The following FBXO46 variants were observed in gnomAD, a reference collection of about 807,000 sequenced individuals.
FBXO46 encodes the protein F-box only protein 46.
In FBXO46, 13 loss-of-function variants were observed where a neutral mutation model predicts 30.7. The observed-to-expected ratio is 0.42, with a 90% confidence interval of 0.28 to 0.67. The LOEUF is 0.67. FBXO46 is among the 30% of genes least tolerant of loss of function. The pLI is 0.21. For synonymous variants in FBXO46, 467 were observed against 385.8 expected (o/e 1.21, Z -2.47); for missense variants, 754 against 871.5 (o/e 0.87, Z 1.70).
intron 1 of FBXO46, among the ~76,000 whole-genome samples, chr19:45,720,233 G>A (rs967746345): frequency 2.0e-5 from 3 of 152,090 alleles, no homozygotes; most frequent in African/African-American, 4.8e-5. Flanking sequence ...CCCGGTTCAA[G>A]CGATTTGCTT....
At chr19:45,726,938 T>C (rs1480172988) in intron 1 of FBXO46, among the ~76,000 whole-genome samples, 1 of 152,174 alleles carries the variant, frequency 6.6e-6, no homozygotes, top group Admixed American at 6.5e-5. Flanking sequence ...GCTCAGAGTT[T>C]AAATGTGGTC....
rs965579973 is a variant in FBXO46, at chr19:45,722,364, T to G, written c.-79+8485A>C. 3.9e-5 allele frequency among the ~76,000 whole-genome samples: 6 copies of G among 152,184 alleles called. No homozygotes were observed. The East Asian group carries it at 1.2e-3, about 29-fold the overall frequency. ...TGGCAGTATGACCTCAGGCAGGTTT[T>G]TCAGCCCCATGTGCCTCAGTTTCCC... On this transcript the variant is annotated intron_variant, in intron 1 of 1. Transcript: ENST00000317683.
At chr19:45,730,134 T>C (rs1437247228) in intron 1 of FBXO46, among the ~76,000 whole-genome samples, 2 of 152,096 alleles carry the variant, frequency 1.3e-5, no homozygotes, top group African/African-American at 4.8e-5. Flanking sequence ...ATAGGGGATA[T>C]GAATGCTGTA....
chr19:45,712,404 G>A lies in FBXO46; in HGVS notation c.1092C>T (p.Phe364=). ...PPARDCGASG[F]HVDVVVTGVV... is the part of the protein sequence containing the mutation. ...CGCCCGTCACCACCACGTCCACGTG[G>A]AAGCCTGACGCTCCGCAGTCCCGGG... Residue 364 remains phenylalanine, a synonymous_variant, in exon 2 of 2, where the codon TTC becomes TTT. Coordinates refer to ENST00000317683, the MANE Select transcript of FBXO46 (RefSeq NM_001080469.2). This position sits in a 1 kb window ranked among gnomAD's most constrained non-coding sequence, Gnocchi z 8.8. 2.5e-6 allele frequency: 4 copies of A among 1,608,064 alleles called. No individual in the cohort carries two copies. In the South Asian group the frequency reaches 3.3e-5, roughly 13 times the overall value.
chr19:45,712,356 A>C lies in FBXO46; in HGVS notation c.1140T>G (p.Phe380Leu). The C allele has an allele frequency of 6.2e-7, 1 of 1,602,376 alleles. No individual in the cohort carries two copies. Among genetic ancestry groups the C allele is most frequent in the Non-Finnish European group, 8.5e-7 (1 of 1,179,632 alleles). Residue 380 changes from phenylalanine to leucine, a missense_variant, in exon 2 of 2, where the codon TTT becomes TTG. Phe to Leu is a conservative substitution (Grantham distance 22). Coordinates refer to ENST00000317683, the MANE Select transcript of FBXO46 (RefSeq NM_001080469.2). This position sits in a 1 kb window ranked among gnomAD's most constrained non-coding sequence, Gnocchi z 8.8. ...VTGVVDECIF[F>L]GKDGTKNVKE... ...TCACGTTCTTGGTGCCGTCCTTGCCAAAGAAGATGCACTCATCTACCACGC... is the reference window on the plus strand; with the variant it reads ...TCACGTTCTTGGTGCCGTCCTTGCCCAAGAAGATGCACTCATCTACCACGC...
chr19:45,712,383 C>A lies in FBXO46; in HGVS notation c.1113G>T (p.Thr371=), dbSNP rs752382090. 5.6e-6 allele frequency: 9 copies of A among 1,605,206 alleles called. No individual in the cohort carries two copies. The highest frequency in any genetic ancestry group is 7.6e-6 in the Non-Finnish European group (9 of 1,179,692). ...ASGFHVDVVV[T]GVVDECIFFG... ...AGAAGATGCACTCATCTACCACGCCCGTCACCACCACGTCCACGTGGAAGC... is the reference window on the plus strand; with the variant it reads ...AGAAGATGCACTCATCTACCACGCCAGTCACCACCACGTCCACGTGGAAGC... The change falls in exon 2 of 2, where the codon ACG becomes ACT. Residue 371 remains threonine (T), a synonymous_variant. Coordinates refer to ENST00000317683, the MANE Select transcript of FBXO46 (RefSeq NM_001080469.2). This position sits in a 1 kb window ranked among gnomAD's most constrained non-coding sequence, Gnocchi z 8.8.
chr19:45,715,757 G>A (rs1350893421), intron 1 of FBXO46: 1 of 127,446 alleles, frequency 7.8e-6, no homozygotes, highest in Non-Finnish European at 1.6e-5. Flanking sequence ...AGTGAACTGA[G>A]ATCTTGCCAC....
In FBXO46 at chr19:45,713,051, C is replaced by T; in HGVS notation, c.445G>A (p.Gly149Ser). 3.8e-6 allele frequency: 6 copies of T among 1,569,522 alleles called. No homozygotes were observed. The highest frequency in any genetic ancestry group is 2.3e-5 in the East Asian group (1 of 44,330). Residue 149 changes from glycine to serine, a missense_variant, in exon 2 of 2, where the codon GGC becomes AGC. Transcript: ENST00000317683. The surrounding 1 kb of genome is among the most constrained non-coding windows in gnomAD (Gnocchi z 4.7). ...DPTKAPPDPG[G>S]REGPPAAEEG... ...TCAGCAGCAGGGGGGCCCTCCCGGC[C>T]CCCTGGGTCAGGAGGAGCCTTGGTG...
chr19:45,720,158 C>T (rs921975257), intron 1 of FBXO46, among the ~76,000 whole-genome samples: 2 of 151,896 alleles, frequency 1.3e-5, no homozygotes, highest in Non-Finnish European at 2.9e-5. Context: ...GAGTCTTGCT[C>T]TGTTGCCCAG....
chr19:45,728,925 C>T (rs1217821696), intron 1 of FBXO46, among the ~76,000 whole-genome samples: 1 of 151,818 alleles, frequency 6.6e-6, no homozygotes, highest in Non-Finnish European at 1.5e-5. Context: ...CACCTGAGGT[C>T]GGGAGTTCAA....
intron 1 of FBXO46, among the ~76,000 whole-genome samples, chr19:45,722,058 A>T (rs1286954205): frequency 6.6e-6 from 1 of 152,050 alleles, no homozygotes; most frequent in Admixed American, 6.6e-5. Flanking sequence ...TCCTGATCTC[A>T]GATGATCCAC....
intron 1 of FBXO46, among the ~76,000 whole-genome samples, chr19:45,730,170 C>T (rs1340082648): frequency 6.6e-6 from 1 of 152,050 alleles, no homozygotes; most frequent in Non-Finnish European, 1.5e-5. Flanking sequence ...AACCATTACA[C>T]TCTTCTAAAT....
At chr19:45,720,713 C>T in intron 1 of FBXO46, among the ~76,000 whole-genome samples, 1 of 152,188 alleles carries the variant, frequency 6.6e-6, no homozygotes. Flanking sequence ...CCACCTTGGC[C>T]TCCCCAAGTG....
At position 45,713,434 on chromosome 19, in the gene FBXO46, G is replaced by A. The variant is rs1968034311; in HGVS notation, c.62C>T (p.Ser21Leu). ...AGAAGGCGGGCGTGGCTGGTTCTGT[G>A]AGTAGGTGCCAAAGGGCCGGGGGCA... is the stretch of plus-strand genomic sequence containing the variant. ...LWCPRPFGTY[S>L]QNQPRPPSAA... Residue 21 changes from serine to leucine, a missense_variant, in exon 2 of 2, where the codon TCA (serine) becomes TTA (leucine). Coordinates refer to ENST00000317683, the MANE Select transcript of FBXO46 (RefSeq NM_001080469.2). This position sits in a 1 kb window ranked among gnomAD's most constrained non-coding sequence, Gnocchi z 4.7. 1 of 1,602,632 alleles carries A rather than the reference G, an allele frequency of 6.2e-7. No individual in the cohort carries two copies. The highest frequency in any genetic ancestry group is 8.5e-7 in the Non-Finnish European group (1 of 1,171,780).
intron 1 of FBXO46, among the ~76,000 whole-genome samples, chr19:45,728,239 T>C (rs1968264482): frequency 6.6e-6 from 1 of 152,212 alleles, no homozygotes; most frequent in Admixed American, 6.5e-5. Flanking sequence ...AGATTGAGTT[T>C]GTAAGCACAC....
Position 45,712,965 on chromosome 19 carries a change from G to T in FBXO46, c.531C>A (p.Ala177=). 6.3e-7 allele frequency: 1 copy of T among 1,583,726 alleles called. No individual in the cohort carries two copies. The highest frequency in any genetic ancestry group is 1.1e-5 in the South Asian group (1 of 88,284). ...VDLLSVAEMV[A]LVEQRAALAL... ...CCAGGGCTGCCCGCTGTTCCACCAGGGCCACCATCTCGGCCACAGAGAGCA... is the reference window on the plus strand; with the variant it reads ...CCAGGGCTGCCCGCTGTTCCACCAGTGCCACCATCTCGGCCACAGAGAGCA... The change falls in exon 2 of 2, where the codon GCC becomes GCA. Residue 177 remains alanine (A), a synonymous_variant. Coordinates refer to ENST00000317683, the MANE Select transcript of FBXO46 (RefSeq NM_001080469.2). This position sits in a 1 kb window ranked among gnomAD's most constrained non-coding sequence, Gnocchi z 8.8.
At chr19:45,725,245 T>C (rs1968221742) in intron 1 of FBXO46, among the ~76,000 whole-genome samples, 1 of 151,922 alleles carries the variant, frequency 6.6e-6, no homozygotes, top group Non-Finnish European at 1.5e-5. Flanking sequence ...GTATTATTCA[T>C]CTCTACAAAA....
chr19:45,713,305 A>G lies in FBXO46; in HGVS notation c.191T>C (p.Val64Ala). The change falls in exon 2 of 2, where the codon GTC becomes GCC. Residue 64 changes from valine (V) to alanine (A), a missense_variant. This residue lies in a region of FBXO46 where 97 missense variants were observed against 113.0 expected (regional missense o/e 0.86). Transcript: ENST00000317683. The surrounding 1 kb of genome is among the most constrained non-coding windows in gnomAD (Gnocchi z 4.7). ...ENTPPALATE[V>A]PASQPAPLLS... Reference sequence around the variant, plus strand: ...GAGCGGAGCCGGCTGGGAGGCAGGGACCTCAGTGGCCAAGGCGGGTGGTGT... The same window carrying G: ...GAGCGGAGCCGGCTGGGAGGCAGGGGCCTCAGTGGCCAAGGCGGGTGGTGT... 1 of 1,613,586 alleles carries G rather than the reference A, an allele frequency of 6.2e-7. No individual in the cohort carries two copies. Among genetic ancestry groups the G allele is most frequent in the Non-Finnish European group, 8.5e-7 (1 of 1,179,732 alleles).
At position 45,711,402 on chromosome 19, in the gene FBXO46, A is replaced by T; in HGVS notation, c.*282T>A. 1.7e-6 allele frequency: 1 copy of T among 597,172 alleles called. No individual in the cohort carries two copies. The highest frequency in any genetic ancestry group is 2.3e-5 in the Admixed American group (1 of 43,016). The allele number at this position is 597,172 out of a possible 1,614,324, so 37.0% of individuals were successfully genotyped here. On this transcript the variant is annotated 3_prime_UTR_variant, in exon 2 of 2. Transcript: ENST00000317683. ...CCTTGGGGTGGAAAGCATGGCAGGG[A>T]GGGGGTTGGGGCTGAATGGAGAAGA...
Sources: gnomAD v4.1 joint callset for allele counts (sites outside exome capture counted in the v4.1 genomes callset) on GRCh38, gnomAD v4.1.1 for gene constraint, gnomAD v4.1.1 regional missense constraint, Gnocchi (gnomAD v3.1) non-coding constraint, MANE v1.5 for transcripts, NCBI Gene and HGNC (gene_info 2026-07-23, HGNC 2026-07-21) for gene names.